MACROD2: variants seen among roughly 807,000 people sequenced by gnomAD.
The protein encoded by MACROD2 is mono-ADP ribosylhydrolase 2.
MACROD2 carries 36 observed loss-of-function variants against 70.4 expected under a neutral mutation model. The observed-to-expected ratio is 0.51, with a 90% CI of 0.39 to 0.68. The LOEUF (loss-of-function observed/expected upper bound fraction) is 0.68. MACROD2 is among the 30% of genes least tolerant of loss of function. The probability of loss-of-function intolerance (pLI) is 0.00; values close to 1 mark genes in which losing one functional copy is unlikely to be tolerated. For synonymous variants in MACROD2, 172 were observed against 178.8 expected, an observed-to-expected ratio of 0.96 and a Z score of 0.30; for missense variants, 496 against 538.4, an observed-to-expected ratio of 0.92 and a Z score of 0.78.
At chr20:15,041,598 A>T (rs1222578318) in intron 5 of MACROD2, among the ~76,000 whole-genome samples, 1 of 151,622 alleles carries the variant, frequency 6.6e-6, no homozygotes, top group Non-Finnish European at 1.5e-5. Context: ...CACCCATCAC[A>T]CCCATCTAAA....
At chr20:15,794,690 A>T (rs992694627) in intron 8 of MACROD2, among the ~76,000 whole-genome samples, 4 of 152,234 alleles carry the variant, frequency 2.6e-5, no homozygotes, top group Admixed American at 2.6e-4. Flanking sequence ...AATCACGGTC[A>T]GGAGCAAATT....
At chr20:15,596,606 T>C (rs1974388167) in intron 8 of MACROD2, among the ~76,000 whole-genome samples, 1 of 152,210 alleles carries the variant, frequency 6.6e-6, no homozygotes, top group Admixed American at 6.5e-5. Flanking sequence ...TTGAAAGCCA[T>C]GACTGGAAAT....
chr20:15,016,446 A>G (rs374978071), intron 5 of MACROD2, among the ~76,000 whole-genome samples: 1 of 151,986 alleles, frequency 6.6e-6, no homozygotes, highest in African/African-American at 2.4e-5. Flanking sequence ...TTGGAATGTG[A>G]TCGCAATGTT....
chr20:15,682,794 A>G (rs2146861102), intron 8 of MACROD2, among the ~76,000 whole-genome samples: 1 of 152,364 alleles, frequency 6.6e-6, no homozygotes, highest in Non-Finnish European at 1.5e-5. Context: ...CTTTAAAAAG[A>G]GATCATTCTC....
intron 2 of MACROD2, among the ~76,000 whole-genome samples, chr20:14,066,926 C>T (rs1450700269): frequency 2.0e-5 from 3 of 150,482 alleles, no homozygotes; most frequent in Non-Finnish European, 2.9e-5. Flanking sequence ...ATTCTCCTGC[C>T]TCAGCCTCCC....
chr20:15,529,214 C>T (rs1012053091), intron 8 of MACROD2, among the ~76,000 whole-genome samples: 2 of 151,798 alleles, frequency 1.3e-5, no homozygotes, highest in Non-Finnish European at 2.9e-5. Context: ...TGAGAGAAAA[C>T]GAGAAAGAAA....
At chr20:14,505,582 G>A (rs536904916) in intron 4 of MACROD2, among the ~76,000 whole-genome samples, 1 of 152,174 alleles carries the variant, frequency 6.6e-6, no homozygotes, top group Non-Finnish European at 1.5e-5. Context: ...CTGAATTAGT[G>A]GTTCTAAAAT....
intron 4 of MACROD2, among the ~76,000 whole-genome samples, chr20:14,677,293 A>G (rs1435431510): frequency 2.0e-5 from 3 of 152,198 alleles, no homozygotes; most frequent in South Asian, 2.1e-4. Context: ...TAACATCTTC[A>G]AACTCTAAGC....
intron 5 of MACROD2, among the ~76,000 whole-genome samples, chr20:15,142,818 A>G (rs1332575007): frequency 6.6e-6 from 1 of 152,132 alleles, no homozygotes; most frequent in Non-Finnish European, 1.5e-5. Context: ...AGCTTCATCC[A>G]TGTCCCTACA....
chr20:15,490,209 C>T (rs2074012916), intron 7 of MACROD2, among the ~76,000 whole-genome samples: 1 of 138,526 alleles, frequency 7.2e-6, no homozygotes, highest in Non-Finnish European at 1.6e-5. Flanking sequence ...CTCCCCCTTC[C>T]TTCCTTCCTT....
At chr20:15,137,655 C>G (rs887234727) in intron 5 of MACROD2, among the ~76,000 whole-genome samples, 1 of 151,142 alleles carries the variant, frequency 6.6e-6, no homozygotes, top group African/African-American at 2.4e-5. Context: ...CACATGTATA[C>G]ATATGTAACT....
intron 4 of MACROD2, among the ~76,000 whole-genome samples, chr20:14,648,271 T>C (rs1261853657): frequency 6.6e-6 from 1 of 152,154 alleles, no homozygotes; most frequent in Non-Finnish European, 1.5e-5. Context: ...GGGTCACTAT[T>C]CTACAGAAAC....
At chr20:15,029,867 AGATTACGAGGTCAG>A (rs1568539758) in intron 5 of MACROD2, among the ~76,000 whole-genome samples, 1 of 152,084 alleles carries the variant, frequency 6.6e-6, no homozygotes, top group Non-Finnish European at 1.5e-5. Context: ...TGAGGTGAGC[AGATTACGAGGTCAG>A]GATATCCAGA....
intron 8 of MACROD2, among the ~76,000 whole-genome samples, chr20:15,690,591 G>A (rs977335242): frequency 1.3e-5 from 2 of 152,178 alleles, no homozygotes; most frequent in Non-Finnish European, 2.9e-5. Flanking sequence ...AAAGCCATGG[G>A]CTGAATAAAA....
At chr20:14,841,550 G>C (rs1301852964) in intron 5 of MACROD2, among the ~76,000 whole-genome samples, 1 of 151,844 alleles carries the variant, frequency 6.6e-6, no homozygotes, top group Non-Finnish European at 1.5e-5. Context: ...ATATAGAAAG[G>C]CAGCCCTTGC....
In MACROD2 at chr20:15,142,756, G is replaced by A. The variant is rs966117330; in HGVS notation, c.419-87184G>A. Among the ~76,000 whole-genome samples, 16 of 25,334 alleles carry A rather than the reference G, an allele frequency of 6.3e-4. No homozygotes were observed. The East Asian group carries it at 6.4e-3, about 10-fold the overall frequency. The allele number at this position is 25,334 out of a possible 152,430, so 16.6% of individuals were successfully genotyped here. On this transcript the variant is annotated intron_variant, in intron 5 of 17. Coordinates refer to ENST00000684519, the MANE Select transcript of MACROD2 (RefSeq NM_001351661.2). ...AGTTCCCACCTATGAGTGAGAACACGTGGTGTTTGGTATTCTGTCCTTGTG... is the reference window on the plus strand; with the variant it reads ...AGTTCCCACCTATGAGTGAGAACACATGGTGTTTGGTATTCTGTCCTTGTG...
chr20:14,186,424 A>G (rs1181414073), intron 3 of MACROD2, among the ~76,000 whole-genome samples: 2 of 152,218 alleles, frequency 1.3e-5, no homozygotes, highest in Non-Finnish European at 2.9e-5. Context: ...CACACCAGTC[A>G]GAATGGCTAT....
chr20:14,260,522 C>T lies in MACROD2; in HGVS notation c.271+174794C>T, dbSNP rs139452047. Among the ~76,000 whole-genome samples, 1,332 of 152,244 alleles carry T rather than the reference C, an allele frequency of 8.7e-3. 6 individuals carry two copies. Among genetic ancestry groups the T allele is most frequent in the South Asian group, 0.014 (69 of 4,824 alleles). ...GTGCAATCATAGCTCATTTCAGTTA[C>T]GGACTCCTGGCCTCAAGGGATCCTC... On this transcript the variant is annotated intron_variant, in intron 3 of 17. Transcript: ENST00000684519.
chr20:14,765,884 A>T (rs2072081374), intron 5 of MACROD2, among the ~76,000 whole-genome samples: 1 of 152,010 alleles, frequency 6.6e-6, no homozygotes. Context: ...TGAAAACCTT[A>T]TGAAAACCTG....
Sources: gnomAD v4.1 joint callset for allele counts (sites outside exome capture counted in the v4.1 genomes callset) on GRCh38, gnomAD v4.1.1 for gene constraint, MANE v1.5 for transcripts, NCBI Gene and HGNC (gene_info 2026-07-23, HGNC 2026-07-21) for gene names.